The following TBC1D19 variants were observed in gnomAD, a reference collection of about 807,000 sequenced individuals.
The protein encoded by TBC1D19 is TBC1 domain family member 19, also known as TBC1 domain family, member 19.
Under a neutral mutation model 89.0 loss-of-function variants are expected in TBC1D19, and 60 were observed. The ratio of observed to expected loss-of-function variants is 0.67; its 90% CI spans 0.55 to 0.84. The LOEUF is 0.84. Ranked by LOEUF, TBC1D19 falls within the 40% of genes least tolerant of loss-of-function variation. TBC1D19 has a pLI of 0.00. For missense variants in TBC1D19, 500 were observed against 610.8 expected (o/e 0.82, Z 1.91); for synonymous variants, 189 against 199.7 (o/e 0.95, Z 0.45).
chr4:26,657,750 G>T (rs952320702), intron 7 of TBC1D19, among the ~76,000 whole-genome samples: 3 of 152,162 alleles, frequency 2.0e-5, no homozygotes, highest in African/African-American at 7.2e-5. Flanking sequence ...AGCATCTGTT[G>T]TTTCCTGACT....
the TBC1D19 span, among the ~76,000 whole-genome samples, chr4:26,846,157 A>G: frequency 6.6e-6 from 1 of 152,172 alleles, no homozygotes; most frequent in Non-Finnish European, 1.5e-5. Flanking sequence ...TCATTTATCC[A>G]TTTAACTGTT....
the TBC1D19 span, among the ~76,000 whole-genome samples, chr4:26,836,675 G>T: frequency 2.6e-5 from 4 of 152,232 alleles, no homozygotes; most frequent in African/African-American, 9.6e-5. Flanking sequence ...GCTGGAAGTT[G>T]CTGGAGCAGC....
chr4:26,827,248 T>C, the TBC1D19 span, among the ~76,000 whole-genome samples: 4 of 152,226 alleles, frequency 2.6e-5, no homozygotes, highest in African/African-American at 9.6e-5. Context: ...ACAGCCAACT[T>C]TAAAGGTATT....
At chr4:26,687,762 T>C (rs1713943445) in intron 12 of TBC1D19, among the ~76,000 whole-genome samples, 1 of 152,076 alleles carries the variant, frequency 6.6e-6, no homozygotes. Context: ...ATAGAAATCA[T>C]TAAGGTAGAC....
At chr4:26,769,720 A>G in the TBC1D19 span, among the ~76,000 whole-genome samples, 2 of 151,000 alleles carry the variant, frequency 1.3e-5, no homozygotes, top group Admixed American at 6.6e-5. Flanking sequence ...TAATTTTTGT[A>G]TTTTTTTTGC....
chr4:26,718,620 A>G (rs907353858), intron 14 of TBC1D19, among the ~76,000 whole-genome samples: 5 of 152,100 alleles, frequency 3.3e-5, no homozygotes, highest in African/African-American at 1.2e-4. Context: ...CCATGAAGAA[A>G]GAAACTTTCT....
chr4:26,645,187 G>A (rs1036456602), intron 7 of TBC1D19, among the ~76,000 whole-genome samples: 28 of 152,280 alleles, frequency 1.8e-4, no homozygotes, highest in South Asian at 2.1e-4. Flanking sequence ...AAAAGAGCCC[G>A]CAGTGCCAAG....
In TBC1D19 at chr4:26,735,462, C is replaced by T. The variant is rs1243702914; in HGVS notation, c.1092C>T (p.Ile364=). The T allele has an allele frequency of 1.0e-5, 16 of 1,543,774 alleles. No homozygotes were observed. Among genetic ancestry groups the T allele is most frequent in the Admixed American group, 3.9e-5 (2 of 51,864 alleles). Residue 364 remains isoleucine (I), a synonymous_variant, in exon 16 of 21, where the codon ATC becomes ATT. Transcript: ENST00000264866. The part of the protein sequence containing the change: ...YAVFYPPNGV[I]PFHGFSMYVA... ...ATACCTTTTTTTTTTTAGGTGTTAT[C>T]CCTTTTCATGGATTTTCAATGTATG...
At chr4:26,724,878 T>C (rs146313691) in intron 15 of TBC1D19, among the ~76,000 whole-genome samples, 1 of 152,340 alleles carries the variant, frequency 6.6e-6, no homozygotes, top group East Asian at 1.9e-4. Flanking sequence ...GGCTTTTCAA[T>C]CTGTATACCA....
chr4:26,659,723 TAAAA>T lies in TBC1D19; in HGVS notation c.591+18_591+21del. On this transcript the variant is annotated intron_variant, in intron 8 of 20. Transcript: ENST00000264866. ...CCCTGAATTGGTAAGTATAGAAACT[TAAAA>T]ATAAACATCATTTAGAAGATAACCA... is the stretch of plus-strand genomic sequence containing the variant. 1 of 1,484,324 alleles carries T rather than the reference TAAAA, an allele frequency of 6.7e-7. No individual in the cohort carries two copies. The highest frequency in any genetic ancestry group is 1.8e-5 in the Admixed American group (1 of 55,508). 91.9% of individuals were successfully genotyped at this position (1,484,324 alleles called of 1,614,324 possible).
intron 15 of TBC1D19, among the ~76,000 whole-genome samples, chr4:26,733,849 G>A (rs1717811997): frequency 6.6e-6 from 1 of 152,180 alleles, no homozygotes; most frequent in Admixed American, 6.5e-5. Flanking sequence ...TGTCTTAGCT[G>A]TTGGGTGTGT....
chr4:26,757,938 C>T (rs573278412), downstream of TBC1D19, among the ~76,000 whole-genome samples: 1 of 152,228 alleles, frequency 6.6e-6, no homozygotes, highest in African/African-American at 2.4e-5. Flanking sequence ...AATTCTTCAT[C>T]GCTTGGTCTT....
At chr4:26,583,993 C>T, upstream of TBC1D19, 1 of 574,344 alleles carries the variant, frequency 1.7e-6, no homozygotes, top group East Asian at 3.0e-5. Context: ...CGGCGGAACG[C>T]AGATGCTGTG....
At chr4:26,776,375 A>C in the TBC1D19 span, among the ~76,000 whole-genome samples, 1,554 of 152,312 alleles carry the variant, frequency 0.01, 11 homozygotes, top group Middle Eastern at 0.075. Context: ...TTTATCCAAC[A>C]ATTCACATAT....
At chr4:26,802,666 A>G in the TBC1D19 span, among the ~76,000 whole-genome samples, 22 of 152,332 alleles carry the variant, frequency 1.4e-4, no homozygotes, top group East Asian at 3.7e-3. Flanking sequence ...CAAGATACAG[A>G]AAAAAATATA....
intron 1 of TBC1D19, among the ~76,000 whole-genome samples, chr4:26,600,225 GT>G (rs1362130757): frequency 4.6e-5 from 7 of 152,196 alleles, no homozygotes; most frequent in Non-Finnish European, 1.0e-4. Context: ...CTAATAGGTT[GT>G]TGTCCTAAGT....
chr4:26,696,628 C>T lies in TBC1D19; in HGVS notation c.954+8221C>T, dbSNP rs569763438. ...TGGAAGTAAAGCACTCCTCAGCAAA[C>T]GTAAAAGAACAGAAATTATAACAAA... On this transcript the variant is annotated intron_variant, in intron 13 of 20. Coordinates refer to ENST00000264866, the MANE Select transcript of TBC1D19 (RefSeq NM_018317.4). 5.5e-4 allele frequency among the ~76,000 whole-genome samples: 83 copies of T among 152,114 alleles called. 2 individuals are homozygous for T. The South Asian group carries it at 0.015, about 27-fold the overall frequency.
intron 15 of TBC1D19, among the ~76,000 whole-genome samples, chr4:26,734,188 A>G (rs1717827807): frequency 6.6e-6 from 1 of 152,160 alleles, no homozygotes; most frequent in Non-Finnish European, 1.5e-5. Flanking sequence ...CTCCTTCCAA[A>G]TTAAACCCAT....
intron 19 of TBC1D19, among the ~76,000 whole-genome samples, chr4:26,748,768 C>G (rs925854492): frequency 6.6e-6 from 1 of 152,064 alleles, no homozygotes; most frequent in African/African-American, 2.4e-5. Flanking sequence ...AGTTCATTTT[C>G]CCTTCCCTTT....
Sources: gnomAD v4.1 joint callset for allele counts (sites outside exome capture counted in the v4.1 genomes callset) on GRCh38, gnomAD v4.1.1 for gene constraint, MANE v1.5 for transcripts, NCBI Gene and HGNC (gene_info 2026-07-23, HGNC 2026-07-21) for gene names.